Variants in PKHD1 observed in about 807,000 individuals in gnomAD.
PKHD1 encodes fibrocystin.
Under a neutral mutation model 412.0 loss-of-function variants are expected in PKHD1, and 291 were observed. The ratio of observed to expected loss-of-function variants is 0.71; its 90% confidence interval spans 0.64 to 0.78. The LOEUF (loss-of-function observed/expected upper bound fraction) is 0.78, where lower values mean the gene tolerates loss of function less well. Ranked by LOEUF, PKHD1 falls within the 30% of genes least tolerant of loss-of-function variation. The pLI, the probability that PKHD1 is intolerant of heterozygous loss-of-function variation, is 0.00. For missense variants in PKHD1, 4,825 were observed against 4,950.7 expected (o/e 0.97, Z 0.76); for synonymous variants, 1,777 against 1,821.5 (o/e 0.98, Z 0.62).
chr6:51,812,178 A>T (rs4142799), intron 52 of PKHD1, among the ~76,000 whole-genome samples: 118,505 of 151,600 alleles, frequency 0.78, 46,504 homozygotes, highest in East Asian at 0.97. Flanking sequence ...CTAGGGTTTT[A>T]ATAGCTGGTA....
chr6:51,844,100 T>C (rs1296819645), intron 50 of PKHD1, among the ~76,000 whole-genome samples: 1 of 152,172 alleles, frequency 6.6e-6, no homozygotes, highest in Non-Finnish European at 1.5e-5. Context: ...TCTAGAGAAA[T>C]AGTCTATCAG....
At chr6:52,071,726 G>A (rs904028969) in intron 8 of PKHD1, among the ~76,000 whole-genome samples, 65 of 152,270 alleles carry the variant, frequency 4.3e-4, no homozygotes, top group Middle Eastern at 3.4e-3. Context: ...CTTGCTCTCT[G>A]TGAGACCTTG....
chr6:51,619,191 T>C lies in PKHD1; in HGVS notation c.12115A>G (p.Lys4039Glu). The change falls in exon 67 of 67, where the codon AAG (lysine) becomes GAG (glutamate). Residue 4039 changes from lysine (K) to glutamate (E), a missense_variant. By Grantham distance (56) the Lys-to-Glu change is moderately conservative. Transcript: ENST00000371117. ...GAAAGCCCCAAGCTGCCACTTTGCT[T>C]ACTCAGCCGACTTTGCCCTGGCAAC... Reference protein sequence around the residue: ...QQLPGQSRLSKQSGSLGLSQE... With the variant: ...QQLPGQSRLSEQSGSLGLSQE... The C allele has an allele frequency of 6.2e-7, 1 of 1,614,264 alleles. No individual in the cohort carries two copies. The highest frequency in any genetic ancestry group is 8.5e-7 in the Non-Finnish European group (1 of 1,180,050).
In PKHD1 at chr6:52,059,695, A is replaced by G. The variant is rs1277117114; in HGVS notation, c.1233+233T>C. Among the ~76,000 whole-genome samples the G allele has an allele frequency of 2.0e-5, 3 of 152,216 alleles. No individual in the cohort carries two copies. In the East Asian group the frequency reaches 5.8e-4, roughly 29 times the overall value. Reference sequence around the variant, plus strand: ...CATACATTTTGCAGAGATGCAGTGAAAACTAGAGACAAGGTCTATAAAAGA... The same window carrying G: ...CATACATTTTGCAGAGATGCAGTGAGAACTAGAGACAAGGTCTATAAAAGA... On this transcript the variant is annotated intron_variant, in intron 15 of 66. Coordinates refer to ENST00000371117, the MANE Select transcript of PKHD1 (RefSeq NM_138694.4).
chr6:52,070,335 T>C (rs1336226222), intron 10 of PKHD1, 71 bp downstream of exon 10: 4 of 953,136 alleles, frequency 4.2e-6, no homozygotes, highest in East Asian at 2.4e-5. Flanking sequence ...ATAAAGAAAG[T>C]AAGCAAGATG....
intron 54 of PKHD1, among the ~76,000 whole-genome samples, chr6:51,774,502 T>C (rs1790674379): frequency 6.6e-6 from 1 of 151,922 alleles, no homozygotes; most frequent in Non-Finnish European, 1.5e-5. Flanking sequence ...TAATAATCCA[T>C]CTAGTTTGTC....
At chr6:51,810,579 C>T (rs1447628279) in intron 52 of PKHD1, among the ~76,000 whole-genome samples, 1 of 152,072 alleles carries the variant, frequency 6.6e-6, no homozygotes, top group Non-Finnish European at 1.5e-5. Context: ...CCACTGATAC[C>T]ATCCTTCACT....
At chr6:51,704,289 T>C (rs1779767588) in intron 60 of PKHD1, among the ~76,000 whole-genome samples, 1 of 152,022 alleles carries the variant, frequency 6.6e-6, no homozygotes, top group African/African-American at 2.4e-5. Flanking sequence ...AGGAGAGTGG[T>C]ACCTGAAAAG....
chr6:52,003,430 T>C (rs1581693019), intron 35 of PKHD1, among the ~76,000 whole-genome samples: 1 of 152,156 alleles, frequency 6.6e-6, no homozygotes, highest in East Asian at 1.9e-4. Flanking sequence ...AGGAAGGTGC[T>C]ACTCAACCAC....
chr6:51,934,058 C>T, intron 37 of PKHD1, 52 bp downstream of exon 37: 1 of 1,386,228 alleles, frequency 7.2e-7, no homozygotes, highest in South Asian at 1.2e-5. Context: ...TATCAGTTTC[C>T]ACTGCTAGAC....
chr6:51,771,609 A>G (rs1409037430), intron 55 of PKHD1, among the ~76,000 whole-genome samples: 1 of 151,186 alleles, frequency 6.6e-6, no homozygotes, highest in Admixed American at 6.6e-5. Context: ...ATAGAGTGAG[A>G]CTGTGTCAAA....
chr6:51,832,914 C>T (rs1208629641), intron 51 of PKHD1, among the ~76,000 whole-genome samples: 4 of 152,098 alleles, frequency 2.6e-5, no homozygotes, highest in Non-Finnish European at 4.4e-5. Context: ...ATACCACACA[C>T]CTTGGGAATA....
At chr6:52,070,375 A>C in intron 10 of PKHD1, 31 bp downstream of exon 10, 1 of 1,392,164 alleles carries the variant, frequency 7.2e-7, no homozygotes, top group East Asian at 2.3e-5. Flanking sequence ...AATGAAGACA[A>C]ATTTGCCTAT....
At chr6:51,739,712 A>AAATTGC (rs1784322271) in intron 60 of PKHD1, among the ~76,000 whole-genome samples, 1 of 152,230 alleles carries the variant, frequency 6.6e-6, no homozygotes, top group Non-Finnish European at 1.5e-5. Flanking sequence ...CAAATGAATG[A>AAATTGC]AAATGCCAAT....
At chr6:51,689,437 G>A (rs868376212) in intron 60 of PKHD1, among the ~76,000 whole-genome samples, 6 of 152,324 alleles carry the variant, frequency 3.9e-5, no homozygotes, top group Non-Finnish European at 8.8e-5. Context: ...ACTGGCACAA[G>A]ACAAGGATGT....
At chr6:51,701,024 A>G (rs547996330) in intron 60 of PKHD1, among the ~76,000 whole-genome samples, 16 of 152,184 alleles carry the variant, frequency 1.1e-4, no homozygotes, top group African/African-American at 3.6e-4. Flanking sequence ...TCACAATAGA[A>G]CCCACCTTAT....
rs568684500 is a variant in PKHD1, at chr6:51,787,362, G to GAA, written c.8440+3872_8440+3873dup. On this transcript the variant is annotated intron_variant, in intron 53 of 66. Coordinates refer to ENST00000371117, the MANE Select transcript of PKHD1 (RefSeq NM_138694.4). ...CAATAAGAGCAAAACTCCATCTCAA[G>GAA]AAAAAAAAAAAAAAGCAGGATCACC... Among the ~76,000 whole-genome samples, 53 of 133,838 alleles carry GAA rather than the reference G, an allele frequency of 4.0e-4. 6 individuals carry two copies. Among genetic ancestry groups the GAA allele is most frequent in the Admixed American group, 4.6e-4 (6 of 13,138 alleles). 87.8% of individuals were successfully genotyped at this position (133,838 alleles called of 152,430 possible).
chr6:52,017,685 G>A, intron 33 of PKHD1, 56 bp from the exon 34 acceptor site: 1 of 1,348,358 alleles, frequency 7.4e-7, no homozygotes, highest in Non-Finnish European at 1.1e-6. Context: ...AAGGCCTCTA[G>A]TCGGTTTCAC....
At chr6:51,821,436 G>C (rs1002411758) in intron 52 of PKHD1, among the ~76,000 whole-genome samples, 3 of 152,212 alleles carry the variant, frequency 2.0e-5, no homozygotes, top group African/African-American at 7.2e-5. Context: ...AAAGACATTA[G>C]TTCCTGATAT....
Sources: gnomAD v4.1 joint callset for allele counts (sites outside exome capture counted in the v4.1 genomes callset) on GRCh38, gnomAD v4.1.1 for gene constraint, MANE v1.5 for transcripts, NCBI Gene and HGNC (gene_info 2026-07-23, HGNC 2026-07-21) for gene names.